The following SHROOM3 variants were observed in gnomAD, a reference collection of about 807,000 sequenced individuals.
SHROOM3 encodes the protein shroom family member 3, also known as protein Shroom3.
A neutral mutation model predicts 138.6 loss-of-function variants in SHROOM3; 47 were observed. That is an observed-to-expected ratio of 0.34 (90% CI 0.27 to 0.43). The LOEUF is 0.43. Among genes scored for constraint, SHROOM3 ranks in the 20% least tolerant of loss-of-function variants. The probability of loss-of-function intolerance (pLI) is 1.00; values close to 1 mark genes in which losing one functional copy is unlikely to be tolerated. For synonymous variants in SHROOM3, 1,062 were observed against 1,063.3 expected (o/e 1.00, Z 0.02); for missense variants, 2,491 against 2,596.5 (o/e 0.96, Z 0.88).
intron 2 of SHROOM3, among the ~76,000 whole-genome samples, chr4:76,600,734 T>C (rs1734488912): frequency 6.6e-6 from 1 of 152,250 alleles, no homozygotes. Context: ...TGCTCTCATT[T>C]GATGCTTTTA....
chr4:76,436,904 A>G (rs1490724899), intron 1 of SHROOM3, among the ~76,000 whole-genome samples: 1 of 152,208 alleles, frequency 6.6e-6, no homozygotes, highest in African/African-American at 2.4e-5. Context: ...ACAGATTAAC[A>G]TTACTTGTTA....
intron 2 of SHROOM3, among the ~76,000 whole-genome samples, chr4:76,590,209 G>A (rs150777057): frequency 4.6e-5 from 7 of 152,260 alleles, no homozygotes; most frequent in African/African-American, 1.7e-4. Flanking sequence ...CGGGTTGCTG[G>A]TAAAGTTTTC....
rs568798642 is a variant in SHROOM3 at position 76,467,987 on chromosome 4, T to C, written c.168+31767T>C. 1.1e-4 allele frequency among the ~76,000 whole-genome samples: 17 copies of C among 152,324 alleles called. No individual in the cohort carries two copies. The South Asian group carries it at 3.3e-3, about 30-fold the overall frequency. ...CTAGGAGGTGGGACATAAGGAAATA[T>C]AGACAGCAGATGACATTTGAATTAA... On this transcript the variant is annotated intron_variant, in intron 1 of 10. Transcript: ENST00000296043.
At chr4:76,595,209 A>G (rs1162595398) in intron 2 of SHROOM3, among the ~76,000 whole-genome samples, 2 of 152,270 alleles carry the variant, frequency 1.3e-5, no homozygotes, top group Non-Finnish European at 2.9e-5. Flanking sequence ...ATAGGAACTC[A>G]GTAACCATTA....
At chr4:76,458,467 A>T (rs2109974168) in intron 1 of SHROOM3, among the ~76,000 whole-genome samples, 1 of 152,314 alleles carries the variant, frequency 6.6e-6, no homozygotes, top group African/African-American at 2.4e-5. Flanking sequence ...AGTAGCGTTG[A>T]GTACATTGTT....
Position 76,435,341 on chromosome 4 carries a change from A to C in SHROOM3, c.-712A>C, listed in dbSNP as rs1730541092. On this transcript the variant is annotated 5_prime_UTR_variant, in exon 1 of 11. Transcript: ENST00000296043. ...TGCCTCCTTCATATTTTTTCCATTG[A>C]GGATTAATTTACCGTGCTTTTTCAT... The C allele has an allele frequency of 6.6e-6, 1 of 152,216 alleles. No individual in the cohort carries two copies. The highest frequency in any genetic ancestry group is 6.5e-5 in the Admixed American group (1 of 15,278). The allele number at this position is 152,216 out of a possible 1,614,324, so 9.4% of individuals were successfully genotyped here. A position where few individuals can be genotyped will look rare whatever the true frequency, so the allele number is the denominator to read the frequency against.
intron 1 of SHROOM3, among the ~76,000 whole-genome samples, chr4:76,515,980 AT>A (rs940311053): frequency 8.5e-5 from 13 of 152,202 alleles, no homozygotes; most frequent in African/African-American, 2.9e-4. Context: ...GGCATGGGAA[AT>A]GATTACATGG....
intron 1 of SHROOM3, among the ~76,000 whole-genome samples, chr4:76,522,177 T>G (rs903928290): frequency 2.0e-5 from 3 of 150,282 alleles, no homozygotes; most frequent in Non-Finnish European, 3.0e-5. Context: ...ATGTCATTAT[T>G]AGGACAACGG....
intron 3 of SHROOM3, among the ~76,000 whole-genome samples, chr4:76,725,194 G>A (rs2110125546): frequency 7.6e-6 from 1 of 132,444 alleles, no homozygotes; most frequent in South Asian, 2.6e-4. Context: ...TAATCTATTA[G>A]AACTGTGATG....
chr4:76,519,889 G>A (rs1259374863), intron 1 of SHROOM3, among the ~76,000 whole-genome samples: 2 of 152,144 alleles, frequency 1.3e-5, no homozygotes, highest in Non-Finnish European at 2.9e-5. Flanking sequence ...GAGGTGTGAG[G>A]TGTGACAATA....
At chr4:76,571,884 C>G (rs116625375) in intron 2 of SHROOM3, among the ~76,000 whole-genome samples, 6 of 152,090 alleles carry the variant, frequency 3.9e-5, no homozygotes, top group Non-Finnish European at 7.3e-5. Context: ...TCTCTGTGTC[C>G]ATTGTGAGAT....
rs11383066 is a variant in SHROOM3 at position 76,756,405 on chromosome 4, T to TTCTC, written c.4710-34_4710-31dup. On this transcript the variant is annotated intron_variant, in intron 7 of 10. Transcript: ENST00000296043. The stretch of plus-strand genomic sequence containing the variant: ...TCACCCTTCTCTTATCACTCTCTCT[T>TTCTC]TCTCTCTCTCTCTTTTTTTTTTTTT... 5.7e-4 allele frequency: 846 copies of TTCTC among 1,479,846 alleles called. 4 individuals carry two copies. The African/African-American group carries it at 1.0e-2, about 17-fold the overall frequency. 91.7% of individuals were successfully genotyped at this position (1,479,846 alleles called of 1,614,324 possible).
In SHROOM3 at chr4:76,661,379, G is replaced by A. The variant is rs936794063; in HGVS notation, c.324-48777G>A. On this transcript the variant is annotated intron_variant, in intron 2 of 10. Coordinates refer to ENST00000296043, the MANE Select transcript of SHROOM3 (RefSeq NM_020859.4). ...CAAGTAGCTGGGAATACAAGCGCCC[G>A]CCACCACGCCTGGCTAATTTTTTTG... Among the ~76,000 whole-genome samples, 7 of 152,004 alleles carry A rather than the reference G, an allele frequency of 4.6e-5. No homozygotes were observed. In the South Asian group the frequency reaches 8.3e-4, roughly 18 times the overall value.
At chr4:76,579,993 A>G (rs1031450469) in intron 2 of SHROOM3, among the ~76,000 whole-genome samples, 1 of 152,160 alleles carries the variant, frequency 6.6e-6, no homozygotes, top group African/African-American at 2.4e-5. Flanking sequence ...CTCCTGTCAC[A>G]TTTCTTTTCA....
chr4:76,654,430 G>C (rs1736022777), intron 2 of SHROOM3, among the ~76,000 whole-genome samples: 1 of 152,232 alleles, frequency 6.6e-6, no homozygotes, highest in Non-Finnish European at 1.5e-5. Flanking sequence ...GGACTCAAGG[G>C]ATCCTCCCAC....
Position 76,741,447 on chromosome 4 carries a change from C to T in SHROOM3, c.3274C>T (p.Arg1092Cys). ...GAGCGCCCTGGCGGACTACATCCAGCGCAAGACCGGCAAGCGGCCTACCTC... is the reference window on the plus strand; with the variant it reads ...GAGCGCCCTGGCGGACTACATCCAGTGCAAGACCGGCAAGCGGCCTACCTC... ...QQSALADYIQRKTGKRPTSAA... is the reference protein window; with the variant it reads ...QQSALADYIQCKTGKRPTSAA... The change falls in exon 5 of 11, where the codon CGC becomes TGC. Residue 1092 changes from arginine to cysteine, a missense_variant. Around this residue, in one of 4 missense-constraint regions of SHROOM3, gnomAD observed 1,733 missense variants for 1,661.6 expected, o/e 1.04. Coordinates refer to ENST00000296043, the MANE Select transcript of SHROOM3 (RefSeq NM_020859.4). This position sits in a 1 kb window ranked among gnomAD's most constrained non-coding sequence, Gnocchi z 6.2. The T allele has an allele frequency of 6.3e-7, 1 of 1,583,632 alleles. No homozygotes were observed. Among genetic ancestry groups the T allele is most frequent in the African/African-American group, 1.3e-5 (1 of 74,484 alleles).
intron 1 of SHROOM3, among the ~76,000 whole-genome samples, chr4:76,486,027 G>GT (rs1375104077): frequency 6.6e-6 from 1 of 151,548 alleles, no homozygotes; most frequent in Admixed American, 6.6e-5. Flanking sequence ...TATTTTTTGC[G>GT]TTTTTCAATC....
intron 1 of SHROOM3, among the ~76,000 whole-genome samples, chr4:76,449,313 A>G (rs1341072345): frequency 6.6e-6 from 1 of 152,184 alleles, no homozygotes; most frequent in Non-Finnish European, 1.5e-5. Context: ...AACTTATACT[A>G]CAACATAGAC....
intron 2 of SHROOM3, among the ~76,000 whole-genome samples, chr4:76,693,826 T>C (rs1470828433): frequency 2.7e-5 from 1 of 37,612 alleles, no homozygotes. Flanking sequence ...ACTCCTTTTT[T>C]TTTTTTTTTT....
Sources: gnomAD v4.1 joint callset for allele counts (sites outside exome capture counted in the v4.1 genomes callset) on GRCh38, gnomAD v4.1.1 for gene constraint, gnomAD v4.1.1 regional missense constraint, Gnocchi (gnomAD v3.1) non-coding constraint, MANE v1.5 for transcripts, NCBI Gene and HGNC (gene_info 2026-07-23, HGNC 2026-07-21) for gene names.